The following STAB2 variants were observed in gnomAD, a reference collection of about 807,000 sequenced individuals.
The protein encoded by STAB2 is stabilin 2.
STAB2 carries 288 observed loss-of-function variants against 338.1 expected under a neutral mutation model. The observed-to-expected ratio is 0.85, with a 90% CI of 0.77 to 0.94. The LOEUF is 0.94. STAB2 is among the 40% of genes least tolerant of loss of function. The probability of loss-of-function intolerance (pLI) is 0.00; values close to 1 mark genes in which losing one functional copy is unlikely to be tolerated. For missense variants in STAB2, 3,141 were observed against 3,210.1 expected (o/e 0.98, Z 0.52); for synonymous variants, 1,202 against 1,193.3 (o/e 1.01, Z -0.15).
At chr12:103,634,577 G>A (rs1163913104) in intron 6 of STAB2, among the ~76,000 whole-genome samples, 1 of 152,196 alleles carries the variant, frequency 6.6e-6, no homozygotes, top group Non-Finnish European at 1.5e-5. Flanking sequence ...TTTTTCAAAT[G>A]GCTGCTAAGT....
intron 38 of STAB2, 109 bp downstream of exon 38, chr12:103,707,096 T>A: frequency 8.1e-7 from 1 of 1,241,572 alleles, no homozygotes; most frequent in Non-Finnish European, 1.1e-6. Context: ...TCGCCCCAAG[T>A]GGGCTGGAAT....
chr12:103,601,595 A>G (rs547283782), intron 3 of STAB2, among the ~76,000 whole-genome samples: 1 of 152,332 alleles, frequency 6.6e-6, no homozygotes, highest in East Asian at 1.9e-4. Context: ...CCATGTCAAA[A>G]AGAAAAGAAA....
intron 15 of STAB2, chr12:103,657,530 T>A (rs1012595398): frequency 8.5e-5 from 13 of 152,200 alleles, no homozygotes; most frequent in Non-Finnish European, 1.5e-5. Context: ...CAGAGTAGAT[T>A]GTGTACATCT....
chr12:103,704,279 G>A (rs566013539), intron 35 of STAB2, among the ~76,000 whole-genome samples: 2 of 152,196 alleles, frequency 1.3e-5, no homozygotes, highest in East Asian at 3.9e-4. Context: ...CTTAATAGTT[G>A]GTTTTTAATA....
In STAB2 at chr12:103,678,742, G is replaced by T. The variant is rs898115478; in HGVS notation, c.2805+1131G>T. On this transcript the variant is annotated intron_variant, in intron 25 of 68. Coordinates refer to ENST00000388887, the MANE Select transcript of STAB2 (RefSeq NM_017564.10). ...AGACAGGGTTTTTCCATGTTGGTCA[G>T]GCTGGTCTCAAACTCCCGATCTCAG... is the stretch of plus-strand genomic sequence containing the variant. Among the ~76,000 whole-genome samples, 5 of 152,112 alleles carry T rather than the reference G, an allele frequency of 3.3e-5. No homozygotes were observed. The East Asian group carries it at 9.7e-4, about 30-fold the overall frequency.
intron 63 of STAB2, among the ~76,000 whole-genome samples, chr12:103,756,996 AATATAT>A (rs869105400): frequency 2.5e-4 from 14 of 56,358 alleles, no homozygotes; most frequent in Admixed American, 1.4e-3. Context: ...AAGGAGGGAA[AATATAT>A]ATATATATAT....
At chr12:103,672,671 C>T (rs890287726) in intron 22 of STAB2, among the ~76,000 whole-genome samples, 1 of 152,154 alleles carries the variant, frequency 6.6e-6, no homozygotes, top group East Asian at 1.9e-4. Flanking sequence ...CCAAGCCCCC[C>T]CAGTCCTTGC....
rs1270997528 is a variant in STAB2, at chr12:103,684,993, G to A, written c.2906G>A (p.Ser969Asn). 15 of 1,613,692 alleles carry A rather than the reference G, an allele frequency of 9.3e-6. No homozygotes were observed. Among genetic ancestry groups the A allele is most frequent in the South Asian group, 3.3e-5 (3 of 91,066 alleles). ...EQTGKCHPLA[S>N]CQSTSSGVWS... ...CTTTCATCTTGGTTTTCTCAGGCAA[G>A]CTGTCAATCTACTTCGTCTGGTGTC... is the stretch of plus-strand genomic sequence containing the variant. Residue 969 changes from serine to asparagine, a missense_variant, in exon 27 of 69, where the codon AGC (serine) becomes AAC (asparagine). By Grantham distance (46) the Ser-to-Asn change is conservative (BLOSUM62 1). Transcript: ENST00000388887.
At chr12:103,606,224 C>T (rs1357891631) in intron 3 of STAB2, among the ~76,000 whole-genome samples, 2 of 152,232 alleles carry the variant, frequency 1.3e-5, no homozygotes, top group African/African-American at 4.8e-5. Context: ...ACTGATATTA[C>T]ACCACTCTAT....
At chr12:103,616,954 G>A (rs561483490) in intron 3 of STAB2, among the ~76,000 whole-genome samples, 57 of 152,304 alleles carry the variant, frequency 3.7e-4, no homozygotes, top group African/African-American at 1.3e-3. Flanking sequence ...GCTTGATTCA[G>A]CTCTCTCCCT....
intron 63 of STAB2, among the ~76,000 whole-genome samples, chr12:103,756,976 A>G (rs1884145178): frequency 8.0e-6 from 1 of 124,330 alleles, no homozygotes; most frequent in Non-Finnish European, 1.7e-5. Flanking sequence ...TCTGGGCCTC[A>G]GTAGCCCAGA....
In STAB2 at chr12:103,705,638, GA is replaced by G; in HGVS notation, c.3908del (p.Glu1303GlyfsTer26). ...AGTCATTAATATTTCACAGGGTAATGAGAAGAGGAGATGCATCTATACCTCC... is the reference window on the plus strand; with the variant it reads ...AGTCATTAATATTTCACAGGGTAATGGAAGAGGAGATGCATCTATACCTCC... ...CPFGTKSLGN[E>X]KRRCIYTSYF... is the part of the protein sequence containing the mutation. On this transcript the variant is annotated frameshift_variant, in exon 37 of 69. Transcript: ENST00000388887. LOFTEE classifies it high-confidence loss of function. 6.2e-7 allele frequency: 1 copy of G among 1,614,078 alleles called. No individual in the cohort carries two copies. The highest frequency in any genetic ancestry group is 1.3e-5 in the African/African-American group (1 of 75,044).
intron 34 of STAB2, among the ~76,000 whole-genome samples, chr12:103,699,690 T>C (rs1300415656): frequency 1.3e-5 from 2 of 152,174 alleles, no homozygotes; most frequent in Admixed American, 1.3e-4. Context: ...ATTGGGATCA[T>C]CTCACCAGTG....
At chr12:103,599,636 C>G (rs1485377819) in intron 3 of STAB2, among the ~76,000 whole-genome samples, 1 of 152,194 alleles carries the variant, frequency 6.6e-6, no homozygotes, top group Admixed American at 6.5e-5. Flanking sequence ...TATGCTAAAA[C>G]AATATTCATT....
chr12:103,744,239 G>C (rs1593315440), intron 56 of STAB2, among the ~76,000 whole-genome samples: 1 of 151,966 alleles, frequency 6.6e-6, no homozygotes, highest in Non-Finnish European at 1.5e-5. Context: ...AACCTCCTGG[G>C]CTCAAGCAAT....
At chr12:103,652,272 G>A (rs999444704) in intron 11 of STAB2, among the ~76,000 whole-genome samples, 3 of 152,194 alleles carry the variant, frequency 2.0e-5, no homozygotes, top group African/African-American at 7.2e-5. Flanking sequence ...CCCCATGTCA[G>A]TTTCAATGCT....
At chr12:103,673,794 A>T in intron 22 of STAB2, 113 bp from the exon 23 acceptor site, 1 of 1,169,506 alleles carries the variant, frequency 8.6e-7, no homozygotes, top group Non-Finnish European at 1.2e-6. Context: ...TTCTGCTTTG[A>T]CAAGAGTGAG....
intron 1 of STAB2, among the ~76,000 whole-genome samples, chr12:103,588,789 T>TA (rs1956752383): frequency 2.0e-5 from 3 of 151,800 alleles, no homozygotes; most frequent in African/African-American, 4.8e-5. Context: ...AAGCTTGCTT[T>TA]CAAAAAAAAT....
intron 51 of STAB2, among the ~76,000 whole-genome samples, chr12:103,734,496 C>T (rs754420966): frequency 8.6e-5 from 13 of 151,772 alleles, no homozygotes; most frequent in Non-Finnish European, 1.8e-4. Flanking sequence ...TGCACAGTCT[C>T]ATAGGAACAA....
Sources: gnomAD v4.1 joint callset for allele counts (sites outside exome capture counted in the v4.1 genomes callset) on GRCh38, gnomAD v4.1.1 for gene constraint, MANE v1.5 for transcripts, NCBI Gene and HGNC (gene_info 2026-07-23, HGNC 2026-07-21) for gene names.